Variants in BICC1 observed in about 807,000 individuals in gnomAD.
BICC1 encodes the protein protein bicaudal C homolog 1.
A neutral mutation model predicts 111.0 loss-of-function variants in BICC1; 43 were observed. That is an observed-to-expected ratio of 0.39 (90% CI 0.30 to 0.50). The LOEUF is 0.50. Ranked by LOEUF, BICC1 falls within the 20% of genes least tolerant of loss-of-function variation. The probability of loss-of-function intolerance (pLI) is 0.88; values close to 1 mark genes in which losing one functional copy is unlikely to be tolerated. For missense variants in BICC1, 1,091 were observed against 1,203.2 expected (o/e 0.91, Z 1.38); for synonymous variants, 467 against 434.4 (o/e 1.07, Z -0.93).
chr10:58,649,006 A>G (rs1226832282), intron 2 of BICC1, among the ~76,000 whole-genome samples: 1 of 152,202 alleles, frequency 6.6e-6, no homozygotes, highest in East Asian at 1.9e-4. Flanking sequence ...AAACTTCTCT[A>G]ATAACAACAG....
At chr10:58,566,314 G>GTATA (rs747058944) in intron 1 of BICC1, among the ~76,000 whole-genome samples, 47 of 151,572 alleles carry the variant, frequency 3.1e-4, no homozygotes, top group African/African-American at 1.1e-3. Context: ...CACATGGTGT[G>GTATA]TATATATATA....
chr10:58,794,569 C>T (rs1201091356), intron 9 of BICC1, among the ~76,000 whole-genome samples: 3 of 151,912 alleles, frequency 2.0e-5, no homozygotes, highest in Non-Finnish European at 4.4e-5. Flanking sequence ...CAGGCATGTG[C>T]CACCACACCT....
At chr10:58,657,107 C>G (rs576268154) in intron 2 of BICC1, among the ~76,000 whole-genome samples, 19 of 152,122 alleles carry the variant, frequency 1.2e-4, no homozygotes, top group African/African-American at 4.6e-4. Context: ...CTTCTCCTCA[C>G]GTGCGCCATT....
At chr10:58,665,695 G>A (rs563025434) in intron 2 of BICC1, among the ~76,000 whole-genome samples, 1 of 152,212 alleles carries the variant, frequency 6.6e-6, no homozygotes, top group Non-Finnish European at 1.5e-5. Context: ...CATCTTCTGA[G>A]ACTTTATGTG....
intron 1 of BICC1, among the ~76,000 whole-genome samples, chr10:58,581,533 A>G (rs1477162808): frequency 6.6e-6 from 1 of 152,194 alleles, no homozygotes; most frequent in Non-Finnish European, 1.5e-5. Flanking sequence ...ATTGGTGGAG[A>G]GGAGCAAATA....
chr10:58,531,971 C>A (rs1011981479), intron 1 of BICC1, among the ~76,000 whole-genome samples: 3 of 151,654 alleles, frequency 2.0e-5, no homozygotes, highest in Admixed American at 6.6e-5. Context: ...ACATGAATTT[C>A]AGAAGAGGAA....
chr10:58,632,127 C>T (rs1837811553), intron 2 of BICC1, among the ~76,000 whole-genome samples: 1 of 152,100 alleles, frequency 6.6e-6, no homozygotes, highest in South Asian at 2.1e-4. Flanking sequence ...CTTTGTTGTC[C>T]TTTTCATATA....
intron 3 of BICC1, among the ~76,000 whole-genome samples, chr10:58,707,328 G>A (rs930742527): frequency 2.0e-5 from 3 of 151,948 alleles, no homozygotes; most frequent in Admixed American, 2.0e-4. Context: ...GTTAGTTGAG[G>A]GCTTTAACAT....
chr10:58,779,900 AT>A (rs1009696912), intron 3 of BICC1, among the ~76,000 whole-genome samples: 62 of 151,890 alleles, frequency 4.1e-4, no homozygotes, highest in Non-Finnish European at 7.5e-4. Flanking sequence ...TCTTTCTGAG[AT>A]TTTTTTCACA....
chr10:58,735,920 T>G (rs1487406229), intron 3 of BICC1, among the ~76,000 whole-genome samples: 1 of 152,214 alleles, frequency 6.6e-6, no homozygotes, highest in Admixed American at 6.5e-5. Flanking sequence ...CCCACTTCAG[T>G]GTTCCCATCT....
intron 1 of BICC1, among the ~76,000 whole-genome samples, chr10:58,572,635 A>G (rs962018293): frequency 4.6e-5 from 7 of 152,302 alleles, no homozygotes; most frequent in Non-Finnish European, 7.4e-5. Flanking sequence ...CATGAAATTG[A>G]AAAGCACAAA....
chr10:58,513,940 A>T (rs1452655669), intron 1 of BICC1, among the ~76,000 whole-genome samples: 1 of 152,216 alleles, frequency 6.6e-6, no homozygotes, highest in Non-Finnish European at 1.5e-5. Flanking sequence ...GTGTTTGAGG[A>T]CAGTGTTCAT....
chr10:58,742,193 A>T (rs1278950581), intron 3 of BICC1, among the ~76,000 whole-genome samples: 1 of 152,154 alleles, frequency 6.6e-6, no homozygotes, highest in Non-Finnish European at 1.5e-5. Context: ...ATTACTTCAC[A>T]CCCAAGTGTC....
At chr10:58,623,408 T>C (rs1310513905) in intron 2 of BICC1, among the ~76,000 whole-genome samples, 1 of 150,664 alleles carries the variant, frequency 6.6e-6, no homozygotes, top group Non-Finnish European at 1.5e-5. Flanking sequence ...CGTTACTGTT[T>C]TTTCCAGAGA....
intron 1 of BICC1, among the ~76,000 whole-genome samples, chr10:58,614,457 T>C (rs1845537017): frequency 6.6e-6 from 1 of 152,234 alleles, no homozygotes; most frequent in Non-Finnish European, 1.5e-5. Flanking sequence ...CACAAACACT[T>C]GGAATAAAAA....
chr10:58,630,803 G>A (rs1588949936), intron 2 of BICC1, among the ~76,000 whole-genome samples: 1 of 152,234 alleles, frequency 6.6e-6, no homozygotes, highest in East Asian at 1.9e-4. Flanking sequence ...TAGCTCCTCA[G>A]TGAGTGCCCC....
chr10:58,634,766 AGAAGCCTTACT>A (rs1837905119), intron 2 of BICC1, among the ~76,000 whole-genome samples: 1 of 152,242 alleles, frequency 6.6e-6, no homozygotes, highest in Admixed American at 6.5e-5. Flanking sequence ...AGTGTTGACC[AGAAGCCTTACT>A]GATAAAATCA....
chr10:58,673,996 A>T (rs911102666), intron 2 of BICC1, among the ~76,000 whole-genome samples: 2 of 152,178 alleles, frequency 1.3e-5, no homozygotes, highest in East Asian at 1.9e-4. Context: ...TATTTGTCAT[A>T]CAAGTTATGT....
intron 3 of BICC1, among the ~76,000 whole-genome samples, chr10:58,726,785 C>A (rs1395310043): frequency 6.6e-6 from 1 of 152,138 alleles, no homozygotes; most frequent in Non-Finnish European, 1.5e-5. Flanking sequence ...ATATCTGTTA[C>A]TATGGAATGT....
Sources: allele counts gnomAD v4.1 joint callset (sites outside exome capture counted in the v4.1 genomes callset), GRCh38; gene constraint gnomAD v4.1.1; transcripts MANE v1.5; gene names NCBI Gene and HGNC (gene_info 2026-07-23, HGNC 2026-07-21).